GALNT14: variants seen among roughly 807,000 people sequenced by gnomAD.
GALNT14 encodes UDP-GalNAc:polypeptide N-acetylgalactosaminyltransferase 14.
Under a neutral mutation model 77.5 loss-of-function variants are expected in GALNT14, and 60 were observed. That is an observed-to-expected ratio of 0.77 (90% CI 0.63 to 0.96). The LOEUF (loss-of-function observed/expected upper bound fraction) is 0.96, where lower values mean the gene tolerates loss of function less well. Among genes scored for constraint, GALNT14 ranks in the 40% least tolerant of loss-of-function variants. The pLI is 0.00. For missense variants in GALNT14, 710 were observed against 731.0 expected, an observed-to-expected ratio of 0.97 and a Z score of 0.33; for synonymous variants, 280 against 281.7, an observed-to-expected ratio of 0.99 and a Z score of 0.06.
rs930806309 is a variant in GALNT14 at position 31,119,928 on chromosome 2, G to A, written c.129+18030C>T. On this transcript the variant is annotated intron_variant, in intron 1 of 14. Transcript: ENST00000349752. ...TCCCAGCACTTTGGGAGGCCGAGGC[G>A]GGCGGATCACGAGGTCAGGAGATCG... is the stretch of plus-strand genomic sequence containing the variant. Among the ~76,000 whole-genome samples, 13 of 75,180 alleles carry A rather than the reference G, an allele frequency of 1.7e-4. 2 individuals are homozygous for A. The East Asian group carries it at 1.8e-3, about 10-fold the overall frequency. The allele number at this position is 75,180 out of a possible 152,430, so 49.3% of individuals were successfully genotyped here.
At chr2:30,970,096 T>A (rs910498412) in intron 2 of GALNT14, among the ~76,000 whole-genome samples, 1 of 152,210 alleles carries the variant, frequency 6.6e-6, no homozygotes, top group African/African-American at 2.4e-5. Flanking sequence ...GTAACTATTA[T>A]TATTTTTAGC....
At chr2:30,896,938 C>T in the GALNT14 span, among the ~76,000 whole-genome samples, 7 of 152,122 alleles carry the variant, frequency 4.6e-5, no homozygotes, top group African/African-American at 1.4e-4. Flanking sequence ...CCGCCTTCTC[C>T]GAATCTTACC....
At chr2:31,011,476 C>T (rs932799537) in intron 1 of GALNT14, among the ~76,000 whole-genome samples, 2 of 152,116 alleles carry the variant, frequency 1.3e-5, no homozygotes, top group Admixed American at 6.5e-5. Context: ...GCAGAGGCAT[C>T]CTTAACTATT....
At position 30,966,204 on chromosome 2, in the gene GALNT14, C is replaced by T; in HGVS notation, c.398G>A (p.Ser133Asn). Reference protein sequence around the residue: ...ARSTLLRTIRSVLNRTPTHLI... With the variant: ...ARSTLLRTIRNVLNRTPTHLI... The stretch of plus-strand genomic sequence containing the variant: ...CAACAGACAAGCAAGGATGCCTCAC[C>T]TGCGGATGGTCCTGAGCAGCGTGGA... The change falls in exon 3 of 15, where the codon AGT (serine) becomes AAT (asparagine). Residue 133 changes from serine (S) to asparagine (N), a missense_variant and splice_region_variant. Ser to Asn is a conservative substitution (Grantham distance 46, BLOSUM62 1). Coordinates refer to ENST00000349752, the MANE Select transcript of GALNT14 (RefSeq NM_024572.4). The T allele has an allele frequency of 1.2e-6, 2 of 1,613,642 alleles. No individual in the cohort carries two copies. The highest frequency in any genetic ancestry group is 1.7e-6 in the Non-Finnish European group (2 of 1,179,606).
intron 3 of GALNT14, among the ~76,000 whole-genome samples, chr2:30,963,983 C>T (rs996841652): frequency 2.0e-5 from 3 of 152,180 alleles, no homozygotes; most frequent in African/African-American, 7.2e-5. Context: ...TAAAGGAGCT[C>T]ACTGAAGGTT....
In GALNT14 at chr2:31,136,384, C is replaced by T. The variant is rs1317693385; in HGVS notation, c.129+1574G>A. On this transcript the variant is annotated intron_variant, in intron 1 of 14. Coordinates refer to ENST00000349752, the MANE Select transcript of GALNT14 (RefSeq NM_024572.4). ...ACCTCTACCTGGAATGCCCTTTCTA[C>T]CTACTGACAAACCTGTTTATCCTTC... is the stretch of plus-strand genomic sequence containing the variant. 5.3e-5 allele frequency among the ~76,000 whole-genome samples: 8 copies of T among 152,188 alleles called. 1 individual carries two copies. The highest frequency in any genetic ancestry group is 5.2e-4 in the Admixed American group (8 of 15,292).
intron 1 of GALNT14, among the ~76,000 whole-genome samples, chr2:31,015,554 G>A (rs1671299933): frequency 1.3e-5 from 2 of 152,012 alleles, no homozygotes; most frequent in Non-Finnish European, 2.9e-5. Flanking sequence ...TGGCAAAAGG[G>A]AAAAAAAGAG....
At chr2:31,021,400 G>T (rs1018639956) in intron 1 of GALNT14, among the ~76,000 whole-genome samples, 1 of 151,860 alleles carries the variant, frequency 6.6e-6, no homozygotes, top group Non-Finnish European at 1.5e-5. Flanking sequence ...CGCCTCCTGG[G>T]TTCAAGCAAT....
At chr2:30,923,990 C>T in intron 13 of GALNT14, 129 bp downstream of exon 13, 1 of 1,030,036 alleles carries the variant, frequency 9.7e-7, no homozygotes. Flanking sequence ...ACCTCTCATG[C>T]TCCACTACCG....
intron 1 of GALNT14, among the ~76,000 whole-genome samples, chr2:31,056,567 C>T (rs972677631): frequency 6.6e-6 from 1 of 152,170 alleles, no homozygotes; most frequent in South Asian, 2.1e-4. Context: ...CTAAAATCAT[C>T]CAGCCCAGGG....
chr2:30,960,476 T>C (rs971541628), intron 3 of GALNT14, among the ~76,000 whole-genome samples: 1 of 151,928 alleles, frequency 6.6e-6, no homozygotes, highest in African/African-American at 2.4e-5. Context: ...ATGTCCAGGG[T>C]TTAAAACAGA....
At chr2:31,113,328 G>A (rs1677933932) in intron 1 of GALNT14, among the ~76,000 whole-genome samples, 1 of 152,144 alleles carries the variant, frequency 6.6e-6, no homozygotes, top group Non-Finnish European at 1.5e-5. Flanking sequence ...GGGTGGAGAA[G>A]GTCATTGCAG....
chr2:30,927,095 T>G lies in GALNT14; in HGVS notation c.1152-2272A>C, dbSNP rs906822139. On this transcript the variant is annotated intron_variant, in intron 11 of 14. Transcript: ENST00000349752. ...GAGAGACCGGGGATCAGGGAGAGAA[T>G]GGAGGCACCCGGAGGGCAAAGCCCC... 2.0e-5 allele frequency among the ~76,000 whole-genome samples: 3 copies of G among 152,126 alleles called. No individual in the cohort carries two copies. In the South Asian group the frequency reaches 6.2e-4, roughly 32 times the overall value.
chr2:31,047,426 C>A (rs1169421100), intron 1 of GALNT14, among the ~76,000 whole-genome samples: 5 of 152,204 alleles, frequency 3.3e-5, no homozygotes, highest in African/African-American at 1.2e-4. Context: ...TACCTTACAA[C>A]TTTACCAAAA....
In GALNT14 at chr2:31,116,482, C is replaced by T. The variant is rs538654728; in HGVS notation, c.129+21476G>A. Reference sequence around the variant, plus strand: ...GCAAATGAAAACAAAGCAGGACAGACGATATTAACACCAGATAAGGTGAAT... The same window carrying T: ...GCAAATGAAAACAAAGCAGGACAGATGATATTAACACCAGATAAGGTGAAT... On this transcript the variant is annotated intron_variant, in intron 1 of 14. Transcript: ENST00000349752. 3.3e-4 allele frequency among the ~76,000 whole-genome samples: 50 copies of T among 151,920 alleles called. 1 individual carries two copies. Among genetic ancestry groups the T allele is most frequent in the South Asian group, 2.3e-3 (11 of 4,822 alleles).
At chr2:31,091,121 G>A (rs937365099) in intron 1 of GALNT14, among the ~76,000 whole-genome samples, 2 of 152,074 alleles carry the variant, frequency 1.3e-5, no homozygotes, top group African/African-American at 4.8e-5. Flanking sequence ...GACCCTAAAC[G>A]ACAGAATATG....
chr2:31,093,442 G>A (rs1419980189), intron 1 of GALNT14, among the ~76,000 whole-genome samples: 1 of 152,180 alleles, frequency 6.6e-6, no homozygotes, highest in Non-Finnish European at 1.5e-5. Context: ...TTGACAACCT[G>A]GCCAGTGTCC....
At chr2:31,109,265 A>G (rs141203280) in intron 1 of GALNT14, among the ~76,000 whole-genome samples, 12 of 152,296 alleles carry the variant, frequency 7.9e-5, no homozygotes, top group South Asian at 4.1e-4. Context: ...CTGCAAAACC[A>G]AGACAGCAGA....
At chr2:30,958,361 T>C (rs1391171017) in intron 4 of GALNT14, 36 bp downstream of exon 4, 15 of 1,577,376 alleles carry the variant, frequency 9.5e-6, no homozygotes, top group Non-Finnish European at 1.3e-5. Context: ...GGAACAGACA[T>C]TCGTGTCTAA....
Sources: gnomAD v4.1 joint callset for allele counts (sites outside exome capture counted in the v4.1 genomes callset) on GRCh38, gnomAD v4.1.1 for gene constraint, MANE v1.5 for transcripts, NCBI Gene and HGNC (gene_info 2026-07-23, HGNC 2026-07-21) for gene names.